The following PCDHA4 variants were observed in gnomAD, a reference collection of about 807,000 sequenced individuals.
PCDHA4 encodes protocadherin alpha-4.
PCDHA4 carries 49 observed loss-of-function variants against 61.4 expected under a neutral mutation model. The ratio of observed to expected loss-of-function variants is 0.80; its 90% CI spans 0.63 to 1.01. The LOEUF (loss-of-function observed/expected upper bound fraction) is 1.01. Ranked by LOEUF, PCDHA4 falls within the 50% of genes least tolerant of loss-of-function variation. The pLI is 0.00. For synonymous variants in PCDHA4, 590 were observed against 550.3 expected (o/e 1.07, Z -1.01); for missense variants, 1,254 against 1,235.8 (o/e 1.01, Z -0.22).
At position 140,843,240 on chromosome 5, in the gene PCDHA4, C is replaced by G. The variant is rs2150355693; in HGVS notation, c.2385+33668C>G. On this transcript the variant is annotated intron_variant, in intron 1 of 3. Coordinates refer to ENST00000530339, the MANE Select transcript of PCDHA4 (RefSeq NM_018907.4). ...AGCACCACTCGTGTCCTGGACGAAG[C>G]GGACTCTCCGCGCCACCGTCTGCTG... The G allele has an allele frequency of 4.4e-6, 7 of 1,595,828 alleles. 1 individual carries two copies. Among genetic ancestry groups the G allele is most frequent in the Non-Finnish European group, 6.0e-6 (7 of 1,165,542 alleles).
intron 1 of PCDHA4, chr5:140,968,380 C>T: frequency 6.2e-7 from 1 of 1,614,072 alleles, no homozygotes; most frequent in Non-Finnish European, 8.5e-7. Context: ...ACTCCTTTGA[C>T]TATGAGAAGT....
chr5:140,910,808 G>A (rs535429898), intron 1 of PCDHA4, among the ~76,000 whole-genome samples: 1 of 152,170 alleles, frequency 6.6e-6, no homozygotes, highest in South Asian at 2.1e-4. Flanking sequence ...TGCTTAGTGG[G>A]CCCAAATCAA....
rs1158255259 is a variant in PCDHA4, at chr5:140,838,075, ATAGTGTGTGTGTGTGTGTGT to A, written c.2385+28504_2385+28523del. 3.0e-3 allele frequency among the ~76,000 whole-genome samples: 387 copies of A among 128,240 alleles called. 6 individuals carry two copies. The highest frequency in any genetic ancestry group is 2.7e-3 in the South Asian group (10 of 3,754). 84.1% of individuals were successfully genotyped at this position (128,240 alleles called of 152,430 possible). A position where few individuals can be genotyped will look rare whatever the true frequency, so the allele number is the denominator to read the frequency against. ...GTTTTCCACTTTAAGTTATATATAT[ATAGTGTGTGTGTGTGTGTGT>A]GTGTGTGTGTGTGTGTGTGTGTGTG... On this transcript the variant is annotated intron_variant, in intron 1 of 3. Transcript: ENST00000530339.
At chr5:140,926,053 C>T (rs768010675) in intron 1 of PCDHA4, among the ~76,000 whole-genome samples, 10 of 152,230 alleles carry the variant, frequency 6.6e-5, no homozygotes, top group Non-Finnish European at 1.5e-4. Context: ...CCCCAACCTT[C>T]TTCCCCTCCT....
chr5:140,857,108 C>G (rs1562518295), intron 1 of PCDHA4: 2 of 1,597,858 alleles, frequency 1.3e-6, no homozygotes, highest in Non-Finnish European at 1.7e-6. Flanking sequence ...TGTCACTTCT[C>G]TGTCTCTCCC....
At chr5:140,908,728 C>T (rs2074119712) in intron 1 of PCDHA4, among the ~76,000 whole-genome samples, 1 of 152,202 alleles carries the variant, frequency 6.6e-6, no homozygotes, top group Non-Finnish European at 1.5e-5. Context: ...GGTCATATGG[C>T]TCGAGAAACA....
intron 1 of PCDHA4, among the ~76,000 whole-genome samples, chr5:140,925,799 C>G (rs1200619545): frequency 6.6e-6 from 1 of 151,996 alleles, no homozygotes; most frequent in Non-Finnish European, 1.5e-5. Flanking sequence ...CAGTACTTTC[C>G]CCTCCACTTC....
chr5:140,980,810 GA>G (rs1410107766), intron 2 of PCDHA4, among the ~76,000 whole-genome samples: 5 of 152,024 alleles, frequency 3.3e-5, no homozygotes, highest in Non-Finnish European at 7.4e-5. Context: ...GTAATACATT[GA>G]ACATATTAAA....
At chr5:140,877,109 G>T (rs370191624) in intron 1 of PCDHA4, 1 of 1,613,590 alleles carries the variant, frequency 6.2e-7, no homozygotes, top group South Asian at 1.1e-5. Flanking sequence ...CCGCCTCTGG[G>T]CAGCAACGTG....
chr5:140,838,266 A>G (rs1554136963), intron 1 of PCDHA4, among the ~76,000 whole-genome samples: 4 of 140,468 alleles, frequency 2.8e-5, no homozygotes, highest in Non-Finnish European at 6.1e-5. Flanking sequence ...GACGCCAACA[A>G]CCAAGCCATG....
chr5:140,855,185 T>C (rs1184210889), intron 1 of PCDHA4, among the ~76,000 whole-genome samples: 3 of 149,814 alleles, frequency 2.0e-5, no homozygotes, highest in African/African-American at 7.3e-5. Flanking sequence ...TGTGGCCAAA[T>C]TGAGGCCTGA....
chr5:140,904,873 G>C (rs1309196167), intron 1 of PCDHA4, among the ~76,000 whole-genome samples: 1 of 151,932 alleles, frequency 6.6e-6, no homozygotes, highest in Non-Finnish European at 1.5e-5. Flanking sequence ...TATGTCCTTA[G>C]CTCACTTTTT....
chr5:140,851,237 G>A (rs782702575), intron 1 of PCDHA4: 5 of 1,101,536 alleles, frequency 4.5e-6, no homozygotes, highest in African/African-American at 1.6e-5. Context: ...TTTATTTATT[G>A]CTAAATGATG....
chr5:140,822,251 T>C, intron 1 of PCDHA4: 1 of 1,614,236 alleles, frequency 6.2e-7, no homozygotes, highest in Non-Finnish European at 8.5e-7. Flanking sequence ...GCGTCGGATT[T>C]GGATATTGGA....
intron 1 of PCDHA4, among the ~76,000 whole-genome samples, chr5:140,899,821 C>G (rs1286169760): frequency 1.3e-5 from 2 of 151,902 alleles, no homozygotes; most frequent in African/African-American, 4.8e-5. Flanking sequence ...TTTGTTTTTC[C>G]TTTTTGAGAC....
In PCDHA4 at chr5:140,808,448, T is replaced by C. The variant is rs1554124549; in HGVS notation, c.1261T>C (p.Tyr421His). ...CCTGGACCGCGAGAGCGTGTCAGCC[T>C]ATGAGCTGGTGGTGACCGCGCGAGA... ...SALDRESVSA[Y>H]ELVVTARDGG... Residue 421 changes from tyrosine to histidine, a missense_variant, in exon 1 of 4, where the codon TAT (tyrosine) becomes CAT (histidine). Physicochemically the swap from Tyr to His is moderately conservative, Grantham distance 83. Coordinates refer to ENST00000530339, the MANE Select transcript of PCDHA4 (RefSeq NM_018907.4). The C allele has an allele frequency of 3.7e-6, 6 of 1,614,100 alleles. No homozygotes were observed. Among genetic ancestry groups the C allele is most frequent in the Middle Eastern group, 1.7e-4 (1 of 6,040 alleles).
chr5:140,832,888 A>G (rs1772201614), intron 1 of PCDHA4, among the ~76,000 whole-genome samples: 2 of 152,142 alleles, frequency 1.3e-5, no homozygotes, highest in Non-Finnish European at 2.9e-5. Flanking sequence ...AAATGGAAAG[A>G]GTTTTCCCTG....
intron 1 of PCDHA4, chr5:140,877,261 G>T: frequency 6.2e-7 from 1 of 1,613,814 alleles, no homozygotes; most frequent in South Asian, 1.1e-5. Context: ...AGTGCGCGCG[G>T]TGGACGCTGA....
intron 1 of PCDHA4, among the ~76,000 whole-genome samples, chr5:140,832,841 G>C (rs1249318622): frequency 2.6e-5 from 4 of 152,146 alleles, no homozygotes; most frequent in African/African-American, 9.6e-5. Context: ...CCTTGTTGAA[G>C]GAGACCGTGA....
Sources: gnomAD v4.1 joint callset for allele counts (sites outside exome capture counted in the v4.1 genomes callset) on GRCh38, gnomAD v4.1.1 for gene constraint, MANE v1.5 for transcripts, NCBI Gene and HGNC (gene_info 2026-07-23, HGNC 2026-07-21) for gene names.